The following CRPPA variants were observed in gnomAD, a reference collection of about 807,000 sequenced individuals.
CRPPA encodes the protein CDP-L-ribitol pyrophosphorylase A, also known as D-ribitol-5-phosphate cytidylyltransferase.
A neutral mutation model predicts 52.0 loss-of-function variants in CRPPA; 43 were observed. The observed-to-expected ratio is 0.83, with a 90% CI of 0.65 to 1.07. The LOEUF (loss-of-function observed/expected upper bound fraction) is 1.07, where lower values mean the gene tolerates loss of function less well. Ranked by LOEUF, CRPPA falls within the 50% of genes least tolerant of loss-of-function variation. CRPPA has a pLI of 0.00. For missense variants in CRPPA, 629 were observed against 551.7 expected, an observed-to-expected ratio of 1.14 and a Z score of -1.40; for synonymous variants, 250 against 203.5, an observed-to-expected ratio of 1.23 and a Z score of -1.94.
chr7:16,154,371 G>A (rs1420430008), intron 9 of CRPPA, among the ~76,000 whole-genome samples: 1 of 151,898 alleles, frequency 6.6e-6, no homozygotes, highest in Admixed American at 6.6e-5. Flanking sequence ...ACAGACCCTG[G>A]TGTGTGTGTT....
chr7:16,396,831 G>A (rs115169881), intron 2 of CRPPA, among the ~76,000 whole-genome samples: 4,906 of 152,320 alleles, frequency 0.032, 153 homozygotes, highest in African/African-American at 0.076. Flanking sequence ...GATGGAATAC[G>A]CTATACGTAT....
At chr7:16,201,184 T>C (rs1337421403) in intron 9 of CRPPA, among the ~76,000 whole-genome samples, 3 of 152,198 alleles carry the variant, frequency 2.0e-5, no homozygotes, top group Non-Finnish European at 4.4e-5. Context: ...TCTAAATTTG[T>C]TGCATTTACA....
intron 9 of CRPPA, among the ~76,000 whole-genome samples, chr7:16,203,459 G>C (rs1295739785): frequency 6.6e-6 from 1 of 152,080 alleles, no homozygotes; most frequent in African/African-American, 2.4e-5. Flanking sequence ...TTAGAACTAT[G>C]GTTTTTAGTG....
At chr7:16,338,339 C>A (rs1785738423) in intron 3 of CRPPA, among the ~76,000 whole-genome samples, 1 of 152,138 alleles carries the variant, frequency 6.6e-6, no homozygotes, top group Middle Eastern at 3.2e-3. Flanking sequence ...AAATACACTT[C>A]CATGATAAAA....
intron 3 of CRPPA, among the ~76,000 whole-genome samples, chr7:16,357,723 A>G (rs1308766204): frequency 6.6e-6 from 1 of 152,238 alleles, no homozygotes; most frequent in East Asian, 1.9e-4. Context: ...AAGATTTCAT[A>G]TAAGGTGTTA....
In CRPPA at chr7:16,421,187, C is replaced by G. The variant is rs886043286; in HGVS notation, c.136G>C (p.Ala46Pro). The change falls in exon 1 of 10, where the codon GCC becomes CCC. Residue 46 changes from alanine (A) to proline (P), a missense_variant. Coordinates refer to ENST00000407010, the MANE Select transcript of CRPPA (RefSeq NM_001101426.4). ...CCGGCAGGCAACACAGCTGCCACGG[C>G]TTGCGGGTGGCGCCCGGGCTCGGTC... ...AGTEPGRHPQ[A>P]VAAVLPAGGC... 4 of 1,342,374 alleles carry G rather than the reference C, an allele frequency of 3.0e-6. No homozygotes were observed. Among genetic ancestry groups the G allele is most frequent in the Non-Finnish European group, 3.8e-6 (4 of 1,041,550 alleles). 83.2% of individuals were successfully genotyped at this position (1,342,374 alleles called of 1,614,324 possible).
chr7:16,392,372 G>A (rs10230422), intron 2 of CRPPA, among the ~76,000 whole-genome samples: 29,254 of 152,028 alleles, frequency 0.19, 4,478 homozygotes, highest in African/African-American at 0.42. Flanking sequence ...TCAGTAGAGC[G>A]CATGGGCAAA....
In CRPPA at chr7:16,343,898, C is replaced by T; in HGVS notation, c.684+32194G>A. Among the ~76,000 whole-genome samples the T allele has an allele frequency of 1.3e-5, 2 of 152,124 alleles. 1 individual carries two copies. Among genetic ancestry groups the T allele is most frequent in the Non-Finnish European group, 2.9e-5 (2 of 68,048 alleles). On this transcript the variant is annotated intron_variant, in intron 3 of 9. Transcript: ENST00000407010. ...CACCTCTGAGCTTTAAGGGTGTAAC[C>T]CTACACATGCATAGAGCCCTTAGGC... is the stretch of plus-strand genomic sequence containing the variant.
intron 8 of CRPPA, among the ~76,000 whole-genome samples, chr7:16,253,581 G>C (rs1783521743): frequency 6.6e-6 from 1 of 152,128 alleles, no homozygotes; most frequent in African/African-American, 2.4e-5. Flanking sequence ...TGTATATTCT[G>C]TTGATTTGGG....
intron 2 of CRPPA, among the ~76,000 whole-genome samples, chr7:16,377,037 T>C (rs2128312242): frequency 6.6e-6 from 1 of 152,272 alleles, no homozygotes; most frequent in Non-Finnish European, 1.5e-5. Context: ...TCCACACAAT[T>C]GCTACATGGG....
At chr7:16,278,079 A>G (rs1481970418) in intron 6 of CRPPA, 50 bp downstream of exon 6, 1 of 907,856 alleles carries the variant, frequency 1.1e-6, no homozygotes, top group Non-Finnish European at 1.8e-6. Context: ...TTTATACTAT[A>G]AAAGTTTTTG....
At chr7:16,392,958 AC>A (rs1214413213) in intron 2 of CRPPA, among the ~76,000 whole-genome samples, 1 of 152,082 alleles carries the variant, frequency 6.6e-6, no homozygotes, top group African/African-American at 2.4e-5. Context: ...TTTCTTGACC[AC>A]TTTTTTTGTA....
At chr7:16,372,605 C>T (rs956918240) in intron 3 of CRPPA, among the ~76,000 whole-genome samples, 1 of 152,082 alleles carries the variant, frequency 6.6e-6, no homozygotes, top group Non-Finnish European at 1.5e-5. Flanking sequence ...CCACATAAAC[C>T]TCACAGGGTC....
intron 9 of CRPPA, among the ~76,000 whole-genome samples, chr7:16,182,740 CA>C (rs1781435579): frequency 6.6e-6 from 1 of 152,118 alleles, no homozygotes; most frequent in Non-Finnish European, 1.5e-5. Flanking sequence ...CAATTTTAAC[CA>C]ATCAGTTAGA....
chr7:16,307,547 G>A (rs1583507155), intron 4 of CRPPA, among the ~76,000 whole-genome samples: 1 of 151,756 alleles, frequency 6.6e-6, no homozygotes, highest in South Asian at 2.1e-4. Context: ...CCGGGTGGTG[G>A]TAGGCACCTG....
At chr7:16,134,001 G>A (rs1782721145) in intron 9 of CRPPA, among the ~76,000 whole-genome samples, 1 of 122,882 alleles carries the variant, frequency 8.1e-6, no homozygotes, top group African/African-American at 2.6e-5. Flanking sequence ...GCGCAATCTC[G>A]GCTCACTGTA....
chr7:16,310,946 G>A (rs1386586781), intron 3 of CRPPA, among the ~76,000 whole-genome samples: 1 of 152,198 alleles, frequency 6.6e-6, no homozygotes, highest in East Asian at 1.9e-4. Context: ...AAGTTTGAGG[G>A]CAGAATATGA....
chr7:16,310,091 C>CAAGAAAGTT (rs1785000929), intron 3 of CRPPA, among the ~76,000 whole-genome samples: 1 of 152,068 alleles, frequency 6.6e-6, no homozygotes. Context: ...TGATTTTAGA[C>CAAGAAAGTT]AAGAAAGTTA....
chr7:16,157,968 G>A (rs1783220675), intron 9 of CRPPA, among the ~76,000 whole-genome samples: 1 of 151,862 alleles, frequency 6.6e-6, no homozygotes, highest in Non-Finnish European at 1.5e-5. Context: ...TCCACCTCGG[G>A]GAATCAAGCG....
Sources: allele counts gnomAD v4.1 joint callset (sites outside exome capture counted in the v4.1 genomes callset), GRCh38; gene constraint gnomAD v4.1.1; transcripts MANE v1.5; gene names NCBI Gene and HGNC (gene_info 2026-07-23, HGNC 2026-07-21).